The following USP28 variants were observed in gnomAD, a reference collection of about 807,000 sequenced individuals.
The protein encoded by USP28 is ubiquitin carboxyl-terminal hydrolase 28.
A neutral mutation model predicts 145.0 loss-of-function variants in USP28; 113 were observed. The observed-to-expected ratio is 0.78, with a 90% CI of 0.67 to 0.91. The LOEUF is 0.91. USP28 is among the 40% of genes least tolerant of loss of function. The pLI is 0.00. For synonymous variants in USP28, 447 were observed against 450.9 expected (o/e 0.99, Z 0.11); for missense variants, 1,201 against 1,289.6 (o/e 0.93, Z 1.05).
chr11:113,843,895 G>A (rs1368293702), intron 3 of USP28, among the ~76,000 whole-genome samples: 1 of 151,910 alleles, frequency 6.6e-6, no homozygotes, highest in African/African-American at 2.4e-5. Context: ...TTCAACAAAT[G>A]GTGCTGTGAC....
chr11:113,805,259 CTT>C (rs5794882), intron 19 of USP28, among the ~76,000 whole-genome samples: 4 of 144,474 alleles, frequency 2.8e-5, no homozygotes, highest in Admixed American at 6.9e-5. Flanking sequence ...ACATACTGTA[CTT>C]TTTTTTTTTT....
exon 25 of USP28, chr11:113,799,235 G>A: frequency 1.2e-6 from 2 of 1,611,630 alleles, no homozygotes; most frequent in Non-Finnish European, 1.7e-6. Flanking sequence ...TGAACATGTG[G>A]GAGCTTATTT....
At position 113,799,145 on chromosome 11, in the gene USP28, C is replaced by T. The variant is rs538513140; in HGVS notation, c.*95G>A. 1.1e-5 allele frequency: 16 copies of T among 1,391,898 alleles called. No homozygotes were observed. In the African/African-American group the frequency reaches 2.3e-4, roughly 20 times the overall value. The allele number at this position is 1,391,898 out of a possible 1,614,324, so 86.2% of individuals were successfully genotyped here. On this transcript the variant is annotated 3_prime_UTR_variant, in exon 25 of 25. Transcript: ENST00000003302. ...GTCTGATCGGAATCTTATGTGCCCA[C>T]CTAATCCTTTTCCCAAGGTGAGCAC...
exon 17 of USP28, chr11:113,809,098 G>A (rs1030827501): frequency 1.2e-6 from 2 of 1,614,088 alleles, no homozygotes; most frequent in Non-Finnish European, 1.7e-6. Flanking sequence ...TGAGGAGTTG[G>A]TGGAGGACTC....
At chr11:113,833,343 G>A (rs1023116989) in intron 7 of USP28, 77 bp downstream of exon 7, 11 of 1,539,122 alleles carry the variant, frequency 7.1e-6, no homozygotes, top group African/African-American at 5.6e-5. Flanking sequence ...AGCTTGTTAC[G>A]CAGTTGAAAT....
chr11:113,799,447 A>G (rs761907194), intron 24 of USP28, 32 bp from the exon 26 acceptor site: 1 of 1,591,898 alleles, frequency 6.3e-7, no homozygotes, highest in Non-Finnish European at 8.5e-7. Context: ...TTACATATAC[A>G]GCTAAACAGA....
At chr11:113,807,277 T>C (rs928171880) in intron 18 of USP28, among the ~76,000 whole-genome samples, 1 of 152,188 alleles carries the variant, frequency 6.6e-6, no homozygotes, top group African/African-American at 2.4e-5. Flanking sequence ...TTTCACCATG[T>C]TGGCCAGGCT....
At chr11:113,875,534 C>A (rs1389683855) in exon 1 of USP28, 29 of 1,141,422 alleles carry the variant, frequency 2.5e-5, no homozygotes, top group Non-Finnish European at 2.8e-5. Context: ...TCACCGGTCT[C>A]CCGCCGCAGC....
Position 113,801,222 on chromosome 11 carries a change from G to A in USP28, c.3058+261C>T, listed in dbSNP as rs959871556. Reference sequence around the variant, plus strand: ...AATGGAAGTCTGACATTCCTGGAGAGCAGTGACTTTTTTCAAACCAGGCTT... The same window carrying A: ...AATGGAAGTCTGACATTCCTGGAGAACAGTGACTTTTTTCAAACCAGGCTT... On this transcript the variant is annotated intron_variant, in intron 24 of 24. Coordinates refer to ENST00000003302, the Ensembl canonical transcript of USP28. Among the ~76,000 whole-genome samples the A allele has an allele frequency of 3.9e-5, 6 of 152,164 alleles. 1 individual carries two copies. Among genetic ancestry groups the A allele is most frequent in the Non-Finnish European group, 5.9e-5 (4 of 68,032 alleles).
intron 1 of USP28, among the ~76,000 whole-genome samples, chr11:113,862,780 G>C (rs564236659): frequency 3.3e-5 from 5 of 151,546 alleles, no homozygotes; most frequent in African/African-American, 1.2e-4. Context: ...GAATGAAGGA[G>C]AAAAAAAACA....
intron 3 of USP28, among the ~76,000 whole-genome samples, chr11:113,852,250 G>A (rs377429465): frequency 1.3e-5 from 2 of 152,062 alleles, no homozygotes; most frequent in African/African-American, 2.4e-5. Flanking sequence ...GGATGGTCTC[G>A]ATCTCCTGAC....
At position 113,875,458 on chromosome 11, in the gene USP28, T is replaced by A. The variant is rs1474202315; in HGVS notation, c.44A>T (p.Asp15Val). The A allele has an allele frequency of 7.1e-5, 89 of 1,244,838 alleles. No individual in the cohort carries two copies. The highest frequency in any genetic ancestry group is 8.8e-5 in the Non-Finnish European group (87 of 988,860). 77.1% of individuals were successfully genotyped at this position (1,244,838 alleles called of 1,614,324 possible). A position where few individuals can be genotyped will look rare whatever the true frequency, so the allele number is the denominator to read the frequency against. ...CGCGGAGCCCACCGAGCCGTGGCCG[T>A]CTGCCGCGCCGGCCGCGTCGTCCTG... is the stretch of plus-strand genomic sequence containing the variant. The change falls in exon 1 of 25, where the codon GAC becomes GTC. Residue 15 changes from aspartate (D) to valine (V), a missense_variant. Physicochemically the swap from Asp to Val is radical, Grantham distance 152. Transcript: ENST00000003302.
intron 18 of USP28, 65 bp downstream of exon 19, chr11:113,807,886 T>C (rs1408245759): frequency 1.0e-6 from 1 of 963,784 alleles, no homozygotes; most frequent in African/African-American, 1.8e-5. Flanking sequence ...TACCTTAATA[T>C]AGTCACAAGA....
In USP28 at chr11:113,875,359, C is replaced by T. The variant is rs1026871973; in HGVS notation, c.57+86G>A. The T allele has an allele frequency of 9.2e-6, 10 of 1,090,674 alleles. No individual in the cohort carries two copies. In the African/African-American group the frequency reaches 1.3e-4, roughly 15 times the overall value. 67.6% of individuals were successfully genotyped at this position (1,090,674 alleles called of 1,614,324 possible). A position where few individuals can be genotyped will look rare whatever the true frequency, so the allele number is the denominator to read the frequency against. Reference sequence around the variant, plus strand: ...CCCGGCCGGGGCGCCCTCCGCAGCCCGCAACCCGCAGCCCTGCAGGCCCCG... The same window carrying T: ...CCCGGCCGGGGCGCCCTCCGCAGCCTGCAACCCGCAGCCCTGCAGGCCCCG... On this transcript the variant is annotated intron_variant, in intron 1 of 24. Transcript: ENST00000003302.
chr11:113,813,557 C>T (rs747444012), intron 15 of USP28, among the ~76,000 whole-genome samples: 1 of 152,156 alleles, frequency 6.6e-6, no homozygotes, highest in Non-Finnish European at 1.5e-5. Flanking sequence ...GATAACTGTT[C>T]TCTAGTTCAG....
At chr11:113,803,430 A>G (rs1019454472) in intron 22 of USP28, 149 bp from the exon 24 acceptor site, 2 of 933,150 alleles carry the variant, frequency 2.1e-6, no homozygotes, top group Non-Finnish European at 3.0e-6. Context: ...CATCTCTTCT[A>G]CAAATTGGCC....
At chr11:113,810,464 G>A (rs1294037646) in intron 16 of USP28, among the ~76,000 whole-genome samples, 1 of 152,134 alleles carries the variant, frequency 6.6e-6, no homozygotes, top group Non-Finnish European at 1.5e-5. Flanking sequence ...CCACTTGTTT[G>A]TTTCTATAAT....
chr11:113,831,830 T>G, intron 8 of USP28, 90 bp downstream of exon 8: 2 of 1,292,264 alleles, frequency 1.5e-6, no homozygotes, highest in South Asian at 2.7e-5. Context: ...AACCAGCAAT[T>G]TCTAGTTAAG....
chr11:113,860,884 CGAGGCAGGCA>C (rs918564314), intron 1 of USP28, among the ~76,000 whole-genome samples: 142 of 151,420 alleles, frequency 9.4e-4, no homozygotes, highest in African/African-American at 3.2e-3. Flanking sequence ...TTTGGGAGGC[CGAGGCAGGCA>C]GATCACGAGG....
Sources: gnomAD v4.1 joint callset for allele counts (sites outside exome capture counted in the v4.1 genomes callset) on GRCh38, gnomAD v4.1.1 for gene constraint, MANE v1.5 for transcripts, NCBI Gene and HGNC (gene_info 2026-07-23, HGNC 2026-07-21) for gene names.